The following OR4M1 variants were observed in gnomAD, a reference collection of about 807,000 sequenced individuals.
The protein encoded by OR4M1 is olfactory receptor 4M1.
In OR4M1, 7 loss-of-function variants were observed where a neutral mutation model predicts 9.8. That is an observed-to-expected ratio of 0.71 (90% CI 0.41 to 1.34). The LOEUF is 1.34. Among genes scored for constraint, OR4M1 ranks in the 40% most tolerant of loss-of-function variants. The probability of loss-of-function intolerance (pLI) is 0.01; values close to 1 mark genes in which losing one functional copy is unlikely to be tolerated. For missense variants in OR4M1, 331 were observed against 380.4 expected (o/e 0.87, Z 1.08); for synonymous variants, 121 against 139.8 (o/e 0.87, Z 0.95).
chr14:19,779,645 C>CA (rs1237298262), intron 1 of OR4M1, among the ~76,000 whole-genome samples: 2 of 152,202 alleles, frequency 1.3e-5, no homozygotes, highest in Non-Finnish European at 2.9e-5. Flanking sequence ...AATGTAGTAT[C>CA]AGGTATTGAT....
chr14:19,781,509 C>A lies in OR4M1; in HGVS notation c.*245C>A. 6.2e-6 allele frequency: 3 copies of A among 481,058 alleles called. No homozygotes were observed. Among genetic ancestry groups the A allele is most frequent in the Non-Finnish European group, 1.1e-5 (3 of 274,862 alleles). 29.8% of individuals were successfully genotyped at this position (481,058 alleles called of 1,614,324 possible). On this transcript the variant is annotated 3_prime_UTR_variant, in exon 2 of 2. Transcript: ENST00000641200. ...TTAGAATTTGAGATATAATAATAAT[C>A]TGCTAAAGTACATTTTAACTAATTG...
chr14:19,780,601 C>T lies in OR4M1; in HGVS notation c.279C>T (p.Ser93=). ...IDFFVERKII[S]FGGCIAQLFF... ...TCTTTGTGGAGAGGAAGATAATTTCCTTTGGTGGATGCATTGCACAGCTCT... is the reference window on the plus strand; with the variant it reads ...TCTTTGTGGAGAGGAAGATAATTTCTTTTGGTGGATGCATTGCACAGCTCT... The change falls in exon 2 of 2, where the codon TCC becomes TCT. Residue 93 remains serine (S), a synonymous_variant. Coordinates refer to ENST00000641200, the MANE Select transcript of OR4M1 (RefSeq NM_001005500.2). 1 of 1,614,204 alleles carries T rather than the reference C, an allele frequency of 6.2e-7. No individual in the cohort carries two copies.
At chr14:19,779,122 A>T (rs931604170) in intron 1 of OR4M1, among the ~76,000 whole-genome samples, 23 of 152,208 alleles carry the variant, frequency 1.5e-4, no homozygotes, top group African/African-American at 4.8e-4. Context: ...AAAATTATGT[A>T]TAAATTGAGT....
intron 1 of OR4M1, among the ~76,000 whole-genome samples, chr14:19,776,173 C>T (rs1279770467): frequency 6.6e-6 from 1 of 152,200 alleles, no homozygotes; most frequent in African/African-American, 2.4e-5. Flanking sequence ...ATCACTGTTT[C>T]TCCCTATTGC....
intron 1 of OR4M1, among the ~76,000 whole-genome samples, chr14:19,774,264 G>A (rs185769367): frequency 1.4e-3 from 211 of 152,248 alleles, no homozygotes; most frequent in African/African-American, 4.9e-3. Flanking sequence ...TATGTAACAG[G>A]GTAGGGAAAG....
intron 1 of OR4M1, among the ~76,000 whole-genome samples, chr14:19,777,050 T>TATATATATATATATATATA (rs57131693): frequency 1.3e-5 from 1 of 75,136 alleles, no homozygotes; most frequent in Non-Finnish European, 2.7e-5. Context: ...ATATATATAT[T>TATATATATATATATATATA]GTTTGTTTGT....
rs889168995 is a variant in OR4M1, at chr14:19,782,045, T to G, written c.*781T>G. The G allele has an allele frequency of 1.3e-5, 2 of 152,308 alleles. No individual in the cohort carries two copies. The highest frequency in any genetic ancestry group is 4.8e-5 in the African/African-American group (2 of 41,470). 9.4% of individuals were successfully genotyped at this position (152,308 alleles called of 1,614,324 possible). A position where few individuals can be genotyped will look rare whatever the true frequency, so the allele number is the denominator to read the frequency against. The stretch of plus-strand genomic sequence containing the variant: ...CAGGCTTGGGGAGAAAGCTTCTAGG[T>G]TGACTGGAATTGGTAGACATCTAGC... On this transcript the variant is annotated 3_prime_UTR_variant, in exon 2 of 2. Coordinates refer to ENST00000641200, the MANE Select transcript of OR4M1 (RefSeq NM_001005500.2).
chr14:19,774,031 ACTT>A (rs1480775733), intron 1 of OR4M1, among the ~76,000 whole-genome samples: 1 of 152,242 alleles, frequency 6.6e-6, no homozygotes, highest in South Asian at 2.1e-4. Flanking sequence ...ATCTTTAGTT[ACTT>A]CTTCTTATAG....
rs1478581150 is a variant in OR4M1, at chr14:19,782,952, A to G, written c.*1688A>G. On this transcript the variant is annotated 3_prime_UTR_variant, in exon 2 of 2. Coordinates refer to ENST00000641200, the MANE Select transcript of OR4M1 (RefSeq NM_001005500.2). Reference sequence around the variant, plus strand: ...CTGTATTTGATCTAGCCAGACTTCTATTCATTTTGTCACTTATCTTTCATC... The same window carrying G: ...CTGTATTTGATCTAGCCAGACTTCTGTTCATTTTGTCACTTATCTTTCATC... The G allele has an allele frequency of 6.6e-6, 1 of 152,230 alleles. No individual in the cohort carries two copies. The highest frequency in any genetic ancestry group is 1.5e-5 in the Non-Finnish European group (1 of 68,044). 9.4% of individuals were successfully genotyped at this position (152,230 alleles called of 1,614,324 possible).
At position 19,778,492 on chromosome 14, in the gene OR4M1, A is replaced by C. The variant is rs550362661; in HGVS notation, c.-29-1802A>C. 5.9e-5 allele frequency among the ~76,000 whole-genome samples: 9 copies of C among 152,344 alleles called. No individual in the cohort carries two copies. The South Asian group carries it at 1.2e-3, about 21-fold the overall frequency. ...GGGACAATTATTTACTTAGGAAAAA[A>C]TAATCACTTCCATCTGGTCAAAAAC... On this transcript the variant is annotated intron_variant, in intron 1 of 1. Transcript: ENST00000641200.
intron 1 of OR4M1, among the ~76,000 whole-genome samples, chr14:19,775,724 TTAA>T (rs1409432883): frequency 4.1e-5 from 6 of 147,452 alleles, no homozygotes; most frequent in African/African-American, 1.2e-4. Context: ...TTAATATACT[TTAA>T]TAATATATTA....
chr14:19,778,607 C>A (rs1320847388), intron 1 of OR4M1, among the ~76,000 whole-genome samples: 1 of 152,172 alleles, frequency 6.6e-6, no homozygotes, highest in Non-Finnish European at 1.5e-5. Context: ...ATTGTTGGAA[C>A]CTCATAGTTG....
rs1022678512 is a variant in OR4M1 at position 19,782,143 on chromosome 14, C to T, written c.*879C>T. ...TTTTCCGTAATTGCTAATCCTGCCTCTCATGTTAAACTTAAATTGGTTAGG... is the reference window on the plus strand; with the variant it reads ...TTTTCCGTAATTGCTAATCCTGCCTTTCATGTTAAACTTAAATTGGTTAGG... On this transcript the variant is annotated 3_prime_UTR_variant, in exon 2 of 2. Coordinates refer to ENST00000641200, the MANE Select transcript of OR4M1 (RefSeq NM_001005500.2). 31 of 152,282 alleles carry T rather than the reference C, an allele frequency of 2.0e-4. 1 individual carries two copies. Among genetic ancestry groups the T allele is most frequent in the Admixed American group, 1.8e-3 (27 of 15,280 alleles). The allele number at this position is 152,282 out of a possible 1,614,324, so 9.4% of individuals were successfully genotyped here. A position where few individuals can be genotyped will look rare whatever the true frequency, so the allele number is the denominator to read the frequency against.
intron 1 of OR4M1, among the ~76,000 whole-genome samples, chr14:19,777,364 GA>G (rs1484233305): frequency 6.6e-6 from 1 of 151,882 alleles, no homozygotes; most frequent in East Asian, 1.9e-4. Context: ...TTCAAAGTTA[GA>G]AAAATGTCAC....
chr14:19,775,461 G>A (rs1243197858), intron 1 of OR4M1, among the ~76,000 whole-genome samples: 2 of 151,448 alleles, frequency 1.3e-5, no homozygotes, highest in Non-Finnish European at 2.9e-5. Context: ...CCAAATTTAT[G>A]AACCTCATCA....
intron 1 of OR4M1, among the ~76,000 whole-genome samples, chr14:19,775,614 A>G (rs1362041971): frequency 6.8e-6 from 1 of 147,298 alleles, no homozygotes; most frequent in Non-Finnish European, 1.5e-5. Context: ...ATAAGTATAT[A>G]TAATTTATAT....
rs1375095092 is a variant in OR4M1, at chr14:19,782,289, C to A, written c.*1025C>A. ...ATTTCCTATTTTCAAGCACTAAAAA[C>A]TCACTCTCCAAGCTTCTGAATGTAA... is the stretch of plus-strand genomic sequence containing the variant. On this transcript the variant is annotated 3_prime_UTR_variant, in exon 2 of 2. Coordinates refer to ENST00000641200, the MANE Select transcript of OR4M1 (RefSeq NM_001005500.2). 2.0e-5 allele frequency: 3 copies of A among 152,236 alleles called. No individual in the cohort carries two copies. The highest frequency in any genetic ancestry group is 4.8e-5 in the African/African-American group (2 of 41,466). 9.4% of individuals were successfully genotyped at this position (152,236 alleles called of 1,614,324 possible). A position where few individuals can be genotyped will look rare whatever the true frequency, so the allele number is the denominator to read the frequency against.
intron 1 of OR4M1, among the ~76,000 whole-genome samples, chr14:19,774,022 T>C (rs114551469): frequency 3.2e-4 from 48 of 152,354 alleles, no homozygotes; most frequent in African/African-American, 1.0e-3. Flanking sequence ...AACCCCAAGA[T>C]CTTTAGTTAC....
chr14:19,774,931 A>G (rs1003059489), intron 1 of OR4M1, among the ~76,000 whole-genome samples: 1 of 152,188 alleles, frequency 6.6e-6, no homozygotes, highest in African/African-American at 2.4e-5. Flanking sequence ...TAGCTCCCCA[A>G]CCTACGGAAT....
Sources: gnomAD v4.1 joint callset for allele counts (sites outside exome capture counted in the v4.1 genomes callset) on GRCh38, gnomAD v4.1.1 for gene constraint, MANE v1.5 for transcripts, NCBI Gene and HGNC (gene_info 2026-07-23, HGNC 2026-07-21) for gene names.